The following DNM3 variants were observed in gnomAD, a reference collection of about 807,000 sequenced individuals.
DNM3 encodes dynamin 3, also known as dynamin-3.
Under a neutral mutation model 101.6 loss-of-function variants are expected in DNM3, and 47 were observed. That is an observed-to-expected ratio of 0.46 (90% CI 0.37 to 0.59). The LOEUF (loss-of-function observed/expected upper bound fraction) is 0.59. Ranked by LOEUF, DNM3 falls within the 20% of genes least tolerant of loss-of-function variation. The pLI is 0.00. For missense variants in DNM3, 849 were observed against 1,085.7 expected (o/e 0.78, Z 3.06); for synonymous variants, 385 against 387.9 (o/e 0.99, Z 0.09).
intron 4 of DNM3, 47 bp from the exon 5 acceptor site, chr1:172,032,355 G>A: frequency 1.5e-6 from 2 of 1,375,502 alleles, no homozygotes; most frequent in Non-Finnish European, 2.1e-6. Context: ...TCTAAAATTT[G>A]TTAGTCTTCT....
chr1:172,076,222 C>T (rs1016524455), intron 11 of DNM3, among the ~76,000 whole-genome samples: 7 of 152,130 alleles, frequency 4.6e-5, no homozygotes, highest in South Asian at 2.1e-4. Context: ...CAGGCTGAGA[C>T]GATGGGGTTT....
chr1:172,032,635 T>G, intron 5 of DNM3, 135 bp downstream of exon 5: 1 of 503,586 alleles, frequency 2.0e-6, no homozygotes, highest in Non-Finnish European at 3.4e-6. Context: ...AATGGATTTA[T>G]TATTAGTTAT....
chr1:172,020,279 A>G (rs986158749), intron 4 of DNM3, among the ~76,000 whole-genome samples: 7 of 152,138 alleles, frequency 4.6e-5, no homozygotes, highest in African/African-American at 1.7e-4. Context: ...ACAGTGGACT[A>G]GAGTTGTGTA....
intron 2 of DNM3, among the ~76,000 whole-genome samples, chr1:171,961,717 G>A (rs747463489): frequency 2.6e-5 from 4 of 152,170 alleles, no homozygotes; most frequent in Non-Finnish European, 5.9e-5. Flanking sequence ...ATCCACAGAT[G>A]AATGGATAAA....
chr1:172,265,005 T>C (rs1453640695), intron 15 of DNM3, among the ~76,000 whole-genome samples: 1 of 152,178 alleles, frequency 6.6e-6, no homozygotes, highest in East Asian at 1.9e-4. Context: ...GATTTCAGTT[T>C]ACTGTAAGAT....
chr1:171,993,370 T>G (rs2045766149), intron 4 of DNM3, among the ~76,000 whole-genome samples: 1 of 152,080 alleles, frequency 6.6e-6, no homozygotes, highest in Admixed American at 6.6e-5. Flanking sequence ...TACTTAAAGT[T>G]TTTTTCCTTT....
chr1:172,306,512 G>A (rs2064822868), intron 15 of DNM3, among the ~76,000 whole-genome samples: 3 of 152,006 alleles, frequency 2.0e-5, no homozygotes, highest in Admixed American at 6.6e-5. Context: ...TTTCTTCACA[G>A]AATTGGAAAA....
At chr1:172,172,958 A>T (rs116737481) in intron 14 of DNM3, among the ~76,000 whole-genome samples, 1 of 151,886 alleles carries the variant, frequency 6.6e-6, no homozygotes, top group African/African-American at 2.4e-5. Context: ...TAGTAATTCT[A>T]TCTATCATTT....
chr1:172,412,882 A>AT (rs1389625868), downstream of DNM3, among the ~76,000 whole-genome samples: 3 of 152,284 alleles, frequency 2.0e-5, no homozygotes, highest in African/African-American at 7.2e-5. Flanking sequence ...GAAAGATGGG[A>AT]TTTTTAAAGG....
chr1:172,216,778 T>C (rs939873978), intron 14 of DNM3, among the ~76,000 whole-genome samples: 2 of 150,986 alleles, frequency 1.3e-5, no homozygotes, highest in African/African-American at 2.5e-5. Flanking sequence ...CACACACACA[T>C]GCTGCAACCA....
At chr1:172,020,065 T>C (rs1246638911) in intron 4 of DNM3, among the ~76,000 whole-genome samples, 1 of 152,146 alleles carries the variant, frequency 6.6e-6, no homozygotes, top group East Asian at 1.9e-4. Context: ...ATAGGCAGAC[T>C]GGGTGCTATA....
At chr1:172,304,222 A>AAAAAAAAAAAAAAAAAAAAAAAAC (rs745651671) in intron 15 of DNM3, among the ~76,000 whole-genome samples, 9 of 129,000 alleles carry the variant, frequency 7.0e-5, no homozygotes, top group African/African-American at 2.8e-4. Flanking sequence ...AAAAAAAAAA[A>AAAAAAAAAAAAAAAAAAAAAAAAC]CAGGAGTTGC....
chr1:172,222,145 G>A (rs1029113811), intron 14 of DNM3, among the ~76,000 whole-genome samples: 7 of 152,138 alleles, frequency 4.6e-5, no homozygotes, highest in African/African-American at 1.7e-4. Context: ...TCATGTAGAA[G>A]CCACATGTGA....
intron 12 of DNM3, 88 bp downstream of exon 12, chr1:172,081,990 C>A: frequency 7.5e-7 from 1 of 1,331,022 alleles, no homozygotes; most frequent in Non-Finnish European, 1.1e-6. Context: ...GTTTCACCAC[C>A]TTTGAGAATA....
At chr1:172,206,458 T>G (rs2060325771) in intron 14 of DNM3, among the ~76,000 whole-genome samples, 1 of 152,138 alleles carries the variant, frequency 6.6e-6, no homozygotes, top group Non-Finnish European at 1.5e-5. Context: ...AGTCACATAT[T>G]AAAAGGTCAA....
At chr1:171,880,904 G>GT (rs972596201) in intron 1 of DNM3, among the ~76,000 whole-genome samples, 4 of 151,382 alleles carry the variant, frequency 2.6e-5, no homozygotes, top group African/African-American at 9.7e-5. Context: ...AAATAGTAAA[G>GT]TAAAAAAAAA....
chr1:171,965,527 G>A (rs1285541835), intron 2 of DNM3, among the ~76,000 whole-genome samples: 1 of 151,014 alleles, frequency 6.6e-6, no homozygotes, highest in African/African-American at 2.4e-5. Flanking sequence ...GTAAAGCCTG[G>A]ACAACAGAGC....
At chr1:171,893,249 A>G (rs886187585) in intron 1 of DNM3, among the ~76,000 whole-genome samples, 1 of 152,110 alleles carries the variant, frequency 6.6e-6, no homozygotes, top group African/African-American at 2.4e-5. Context: ...ACTAAGGTTT[A>G]CTTTTTGTGC....
intron 14 of DNM3, among the ~76,000 whole-genome samples, chr1:172,183,072 T>C (rs963933366): frequency 3.9e-5 from 6 of 152,082 alleles, no homozygotes; most frequent in African/African-American, 1.2e-4. Context: ...AGAAAGGCAC[T>C]GTCCTGTCCC....
Sources: gnomAD v4.1 joint callset for allele counts (sites outside exome capture counted in the v4.1 genomes callset) on GRCh38, gnomAD v4.1.1 for gene constraint, MANE v1.5 for transcripts, NCBI Gene and HGNC (gene_info 2026-07-23, HGNC 2026-07-21) for gene names.